The following SESN3 variants were observed in gnomAD, a reference collection of about 807,000 sequenced individuals.
SESN3 encodes sestrin 3.
Under a neutral mutation model 55.3 loss-of-function variants are expected in SESN3, and 21 were observed. That is an observed-to-expected ratio of 0.38 (90% confidence interval 0.27 to 0.55). The LOEUF (loss-of-function observed/expected upper bound fraction) is 0.55, where lower values mean the gene tolerates loss of function less well. Ranked by LOEUF, SESN3 falls within the 20% of genes least tolerant of loss-of-function variation. SESN3 has a pLI of 0.76. For missense variants in SESN3, 408 were observed against 604.3 expected (o/e 0.68, Z 3.41); for synonymous variants, 181 against 203.1 (o/e 0.89, Z 0.93).
intron 1 of SESN3, among the ~76,000 whole-genome samples, chr11:95,219,943 G>A (rs1427942373): frequency 6.6e-6 from 1 of 152,040 alleles, no homozygotes; most frequent in Non-Finnish European, 1.5e-5. Context: ...ACAGTACTCT[G>A]GAACTTAACC....
At position 95,230,695 on chromosome 11, in the gene SESN3, C is replaced by T; in HGVS notation, c.78+88G>A. 2.1e-6 allele frequency: 2 copies of T among 934,790 alleles called. No individual in the cohort carries two copies. The highest frequency in any genetic ancestry group is 3.3e-6 in the Non-Finnish European group (2 of 602,792). 57.9% of individuals were successfully genotyped at this position (934,790 alleles called of 1,614,324 possible). The stretch of plus-strand genomic sequence containing the variant: ...GGTGCCCGGGGATCCCTCTCAGCCT[C>T]CCCCAGTGCGCGCCCGGGGACGAGC... On this transcript the variant is annotated intron_variant, in intron 1 of 9. Coordinates refer to ENST00000536441, the MANE Select transcript of SESN3 (RefSeq NM_144665.4). The surrounding 1 kb of genome is among the most constrained non-coding windows in gnomAD (Gnocchi z 4.6).
At chr11:95,219,431 C>A (rs1202607215) in intron 1 of SESN3, among the ~76,000 whole-genome samples, 1 of 152,036 alleles carries the variant, frequency 6.6e-6, no homozygotes, top group Non-Finnish European at 1.5e-5. Flanking sequence ...AATTTTATAT[C>A]AAAGAGGAAC....
intron 1 of SESN3, among the ~76,000 whole-genome samples, chr11:95,195,932 A>G (rs1197056589): frequency 6.6e-6 from 1 of 152,178 alleles, no homozygotes; most frequent in Non-Finnish European, 1.5e-5. Context: ...GTTTTATTGT[A>G]TGCTTCTTTG....
intron 1 of SESN3, among the ~76,000 whole-genome samples, chr11:95,214,616 T>C (rs1860718915): frequency 6.6e-6 from 1 of 151,752 alleles, no homozygotes; most frequent in Admixed American, 6.6e-5. Context: ...CCATAATTTA[T>C]ATATATATAT....
rs575444391 is a variant in SESN3 at position 95,213,154 on chromosome 11, A to T, written c.78+17629T>A. On this transcript the variant is annotated intron_variant, in intron 1 of 9. Coordinates refer to ENST00000536441, the MANE Select transcript of SESN3 (RefSeq NM_144665.4). ...TCTTCATAGTCCTAAAAAATAAAAA[A>T]AAACCTTGGTCTTTTCCAATCAATA... 2.9e-3 allele frequency among the ~76,000 whole-genome samples: 441 copies of T among 152,118 alleles called. 4 individuals are homozygous for T. Among genetic ancestry groups the T allele is most frequent in the African/African-American group, 9.8e-3 (407 of 41,544 alleles).
At chr11:95,198,500 A>T (rs1375722900) in intron 1 of SESN3, among the ~76,000 whole-genome samples, 23 of 152,194 alleles carry the variant, frequency 1.5e-4, no homozygotes, top group Admixed American at 1.5e-3. Context: ...TTTTTCTCTA[A>T]GCATTTCAGC....
intron 8 of SESN3, among the ~76,000 whole-genome samples, chr11:95,176,425 G>T (rs1008170780): frequency 6.6e-6 from 1 of 152,166 alleles, no homozygotes; most frequent in Non-Finnish European, 1.5e-5. Context: ...TGATGGGAAA[G>T]ATCCAAAATG....
At chr11:95,202,277 G>A (rs563865876) in intron 1 of SESN3, among the ~76,000 whole-genome samples, 2 of 152,098 alleles carry the variant, frequency 1.3e-5, no homozygotes, top group African/African-American at 2.4e-5. Context: ...TAAGGAGATA[G>A]GAGTCTGGCT....
intron 6 of SESN3, among the ~76,000 whole-genome samples, chr11:95,179,100 T>C (rs1860013169): frequency 6.6e-6 from 1 of 152,140 alleles, no homozygotes; most frequent in Non-Finnish European, 1.5e-5. Context: ...ATCAATATGC[T>C]AGTTTTACTA....
intron 4 of SESN3, among the ~76,000 whole-genome samples, chr11:95,186,272 C>T (rs904480687): frequency 3.6e-5 from 5 of 138,980 alleles, no homozygotes; most frequent in African/African-American, 1.3e-4. Context: ...TCATCCCTCT[C>T]TTTCCCTCCT....
chr11:95,226,827 TAC>T (rs1860956006), intron 1 of SESN3, among the ~76,000 whole-genome samples: 1 of 152,236 alleles, frequency 6.6e-6, no homozygotes, highest in Non-Finnish European at 1.5e-5. Context: ...ATTTTTAAAT[TAC>T]AGTTTTAAAA....
Position 95,230,763 on chromosome 11 carries a change from AC to A in SESN3, c.78+19del. 1 of 1,586,360 alleles carries A rather than the reference AC, an allele frequency of 6.3e-7. No individual in the cohort carries two copies. Among genetic ancestry groups the A allele is most frequent in the Non-Finnish European group, 8.6e-7 (1 of 1,164,660 alleles). ...GCAGGAAGCGACCCTCGCCGGCAGG[AC>A]CCCGGGCCGAACCCGTACCTTCCGC... On this transcript the variant is annotated intron_variant, in intron 1 of 9. Coordinates refer to ENST00000536441, the MANE Select transcript of SESN3 (RefSeq NM_144665.4). This position sits in a 1 kb window ranked among gnomAD's most constrained non-coding sequence, Gnocchi z 4.6.
chr11:95,194,769 G>GA (rs1253797473), intron 1 of SESN3, among the ~76,000 whole-genome samples: 3 of 151,826 alleles, frequency 2.0e-5, no homozygotes, highest in Non-Finnish European at 4.4e-5. Flanking sequence ...TAATTTAAAG[G>GA]AAAATAACAG....
intron 1 of SESN3, among the ~76,000 whole-genome samples, chr11:95,209,032 A>G (rs947788500): frequency 1.3e-5 from 2 of 151,588 alleles, no homozygotes; most frequent in African/African-American, 4.8e-5. Context: ...TGACTAAAAC[A>G]CCAAAAGCAA....
chr11:95,175,890 AAAATT>A (rs1226713755), intron 8 of SESN3, among the ~76,000 whole-genome samples: 1 of 152,214 alleles, frequency 6.6e-6, no homozygotes, highest in Non-Finnish European at 1.5e-5. Context: ...AAAACGAAGA[AAAATT>A]AAAAAGATAA....
intron 1 of SESN3, among the ~76,000 whole-genome samples, chr11:95,227,115 A>G (rs940690113): frequency 3.9e-5 from 6 of 152,210 alleles, no homozygotes; most frequent in Non-Finnish European, 8.8e-5. Flanking sequence ...TAAACCATAT[A>G]AAGTTGCTAT....
intron 6 of SESN3, among the ~76,000 whole-genome samples, chr11:95,179,321 AT>A (rs1216011089): frequency 6.6e-6 from 1 of 151,952 alleles, no homozygotes; most frequent in African/African-American, 2.4e-5. Flanking sequence ...TGCTCAGCTA[AT>A]TTTTTGTATT....
chr11:95,187,415 T>G (rs950457398), intron 4 of SESN3, among the ~76,000 whole-genome samples: 1 of 151,960 alleles, frequency 6.6e-6, no homozygotes, highest in Non-Finnish European at 1.5e-5. Context: ...TTTCTACTTT[T>G]AAAAATTCAT....
chr11:95,190,540 A>G (rs1860247346), intron 3 of SESN3, among the ~76,000 whole-genome samples: 1 of 151,860 alleles, frequency 6.6e-6, no homozygotes, highest in African/African-American at 2.4e-5. Context: ...TCTATTCTCT[A>G]CATCTTATTT....
Sources: allele counts gnomAD v4.1 joint callset (sites outside exome capture counted in the v4.1 genomes callset), GRCh38; gene constraint gnomAD v4.1.1; non-coding constraint Gnocchi (gnomAD v3.1); transcripts MANE v1.5; gene names NCBI Gene and HGNC (gene_info 2026-07-23, HGNC 2026-07-21).